Variants in NAALADL2 observed in about 807,000 individuals in gnomAD.
NAALADL2 encodes inactive N-acetylated-alpha-linked acidic dipeptidase-like protein 2.
A neutral mutation model predicts 87.2 loss-of-function variants in NAALADL2; 76 were observed. That is an observed-to-expected ratio of 0.87 (90% CI 0.72 to 1.05). The LOEUF (loss-of-function observed/expected upper bound fraction) is 1.05, where lower values mean the gene tolerates loss of function less well. NAALADL2 is among the 50% of genes least tolerant of loss of function. The pLI is 0.00. For synonymous variants in NAALADL2, 354 were observed against 331.0 expected (o/e 1.07, Z -0.75); for missense variants, 1,089 against 945.8 (o/e 1.15, Z -1.99).
At chr3:174,616,891 T>G (rs1341632905) in intron 2 of NAALADL2, among the ~76,000 whole-genome samples, 1 of 151,892 alleles carries the variant, frequency 6.6e-6, no homozygotes, top group Non-Finnish European at 1.5e-5. Flanking sequence ...CTTCAGTACA[T>G]TTTTATAAGT....
At chr3:175,337,801 C>T (rs1460780168) in intron 5 of NAALADL2, among the ~76,000 whole-genome samples, 2 of 152,194 alleles carry the variant, frequency 1.3e-5, no homozygotes. Context: ...TTTTCACCAT[C>T]TTCTAGAAGA....
intron 9 of NAALADL2, among the ~76,000 whole-genome samples, chr3:175,501,424 GAC>G (rs61284771): frequency 1.3e-5 from 2 of 148,816 alleles, no homozygotes; most frequent in East Asian, 2.0e-4. Flanking sequence ...ATACGTTTTA[GAC>G]ACACACACAC....
At chr3:175,670,045 A>T (rs1017129309) in intron 11 of NAALADL2, among the ~76,000 whole-genome samples, 14 of 152,030 alleles carry the variant, frequency 9.2e-5, no homozygotes, top group Admixed American at 5.2e-4. Context: ...ATCAGGAACT[A>T]TTCACTTTAC....
At chr3:174,797,672 G>C (rs1718305611) in intron 3 of NAALADL2, among the ~76,000 whole-genome samples, 1 of 152,028 alleles carries the variant, frequency 6.6e-6, no homozygotes, top group Non-Finnish European at 1.5e-5. Flanking sequence ...AGGCAATTTT[G>C]TTTCTTGTTT....
intron 2 of NAALADL2, among the ~76,000 whole-genome samples, chr3:175,150,166 G>A (rs888740439): frequency 1.3e-5 from 2 of 152,058 alleles, no homozygotes; most frequent in South Asian, 2.1e-4. Context: ...ATAACAATAG[G>A]TTTCAAAAGA....
chr3:175,658,465 T>C (rs955304029), intron 11 of NAALADL2, among the ~76,000 whole-genome samples: 16 of 152,306 alleles, frequency 1.1e-4, no homozygotes, highest in Non-Finnish European at 1.3e-4. Context: ...GCTTTTTTTT[T>C]CTGTTCAGCA....
intron 1 of NAALADL2, among the ~76,000 whole-genome samples, chr3:174,996,002 A>G (rs1378130573): frequency 1.3e-5 from 2 of 152,116 alleles, no homozygotes; most frequent in Admixed American, 6.5e-5. Flanking sequence ...AACACAGGTA[A>G]TGGAGTTGTT....
chr3:174,858,958 A>G (rs1041822787), upstream of NAALADL2, among the ~76,000 whole-genome samples: 2 of 152,042 alleles, frequency 1.3e-5, no homozygotes, highest in South Asian at 2.1e-4. Context: ...TTATTTCCCT[A>G]TGGTTTAAAA....
At chr3:175,174,176 T>C (rs1181713822) in intron 2 of NAALADL2, among the ~76,000 whole-genome samples, 1 of 152,182 alleles carries the variant, frequency 6.6e-6, no homozygotes, top group East Asian at 1.9e-4. Flanking sequence ...CATGCACTAA[T>C]TATTGAACAA....
intron 2 of NAALADL2, among the ~76,000 whole-genome samples, chr3:175,193,218 T>G (rs1048660649): frequency 2.7e-5 from 4 of 147,922 alleles, no homozygotes; most frequent in Non-Finnish European, 4.5e-5. Flanking sequence ...TAGTTGTGTG[T>G]TTTTTTTTCA....
chr3:174,663,887 A>G (rs946318307), intron 2 of NAALADL2, among the ~76,000 whole-genome samples: 1 of 151,090 alleles, frequency 6.6e-6, no homozygotes, highest in African/African-American at 2.4e-5. Context: ...TCCTGGGTCC[A>G]AGCGATTCTC....
intron 3 of NAALADL2, among the ~76,000 whole-genome samples, chr3:174,816,040 T>C (rs1471624422): frequency 6.6e-6 from 1 of 152,016 alleles, no homozygotes; most frequent in Admixed American, 6.6e-5. Context: ...TTTGGATCCC[T>C]AAATTACATA....
intron 2 of NAALADL2, among the ~76,000 whole-genome samples, chr3:175,216,695 G>A (rs1424497264): frequency 8.3e-6 from 1 of 119,764 alleles, no homozygotes; most frequent in African/African-American, 3.1e-5. Context: ...TTGAGAAGGT[G>A]TCTCGCCCTA....
chr3:175,406,175 A>T (rs1560500628), intron 5 of NAALADL2, among the ~76,000 whole-genome samples: 1 of 152,234 alleles, frequency 6.6e-6, no homozygotes, highest in Non-Finnish European at 1.5e-5. Flanking sequence ...AATGGAGTGA[A>T]TGAGAAAGAC....
chr3:174,812,592 G>T (rs909860703), intron 3 of NAALADL2, among the ~76,000 whole-genome samples: 1 of 151,954 alleles, frequency 6.6e-6, no homozygotes, highest in Non-Finnish European at 1.5e-5. Flanking sequence ...ACATCCTCAG[G>T]CAGGTTCTTC....
intron 1 of NAALADL2, among the ~76,000 whole-genome samples, chr3:174,963,508 T>G (rs1017450285): frequency 2.6e-5 from 4 of 152,166 alleles, no homozygotes; most frequent in African/African-American, 9.7e-5. Context: ...GTAACTAGAC[T>G]ATTTTTAGAA....
chr3:175,584,243 G>A (rs1025745739), intron 10 of NAALADL2, among the ~76,000 whole-genome samples: 1 of 151,994 alleles, frequency 6.6e-6, no homozygotes, highest in African/African-American at 2.4e-5. Flanking sequence ...TCACCATGTT[G>A]CCAGGCCAGT....
chr3:175,102,248 G>T (rs946089556), intron 2 of NAALADL2, among the ~76,000 whole-genome samples: 1 of 152,062 alleles, frequency 6.6e-6, no homozygotes, highest in East Asian at 1.9e-4. Context: ...ATTCCCTTCT[G>T]ATGAATTCCT....
At chr3:175,094,367 T>G (rs888677997) in intron 1 of NAALADL2, among the ~76,000 whole-genome samples, 1 of 152,166 alleles carries the variant, frequency 6.6e-6, no homozygotes, top group East Asian at 1.9e-4. Context: ...ATAAATTGGT[T>G]TCTAAAGTGT....
Sources: gnomAD v4.1 joint callset for allele counts (sites outside exome capture counted in the v4.1 genomes callset) on GRCh38, gnomAD v4.1.1 for gene constraint, MANE v1.5 for transcripts, NCBI Gene and HGNC (gene_info 2026-07-23, HGNC 2026-07-21) for gene names.